IQCM: variants seen among roughly 807,000 people sequenced by gnomAD.
The protein encoded by IQCM is IQ domain-containing protein M.
In IQCM, 45 loss-of-function variants were observed where a neutral mutation model predicts 57.6. The ratio of observed to expected loss-of-function variants is 0.78; its 90% CI spans 0.62 to 1.00. The LOEUF (loss-of-function observed/expected upper bound fraction) is 1.00, where lower values mean the gene tolerates loss of function less well. IQCM is among the 50% of genes least tolerant of loss of function. IQCM has a pLI of 0.00. For synonymous variants in IQCM, 148 were observed against 158.9 expected, an observed-to-expected ratio of 0.93 and a Z score of 0.51; for missense variants, 468 against 511.6, an observed-to-expected ratio of 0.91 and a Z score of 0.82.
chr4:149,382,163 T>G (rs920138452), intron 13 of IQCM, among the ~76,000 whole-genome samples: 9 of 152,184 alleles, frequency 5.9e-5, no homozygotes, highest in Non-Finnish European at 1.2e-4. Context: ...TTTTGACTAT[T>G]GAGATCATAG....
intron 2 of IQCM, among the ~76,000 whole-genome samples, chr4:149,799,057 G>T (rs192758497): frequency 2.2e-3 from 329 of 150,116 alleles, no homozygotes; most frequent in African/African-American, 7.7e-3. Flanking sequence ...TTTTCACTCA[G>T]CACATGGATT....
intron 12 of IQCM, among the ~76,000 whole-genome samples, chr4:149,473,741 A>T (rs1020656235): frequency 6.6e-6 from 1 of 152,196 alleles, no homozygotes; most frequent in African/African-American, 2.4e-5. Context: ...TCCAACAATG[A>T]TAGACTGGAT....
intron 2 of IQCM, among the ~76,000 whole-genome samples, chr4:149,766,064 C>T (rs1318760513): frequency 6.6e-6 from 1 of 152,088 alleles, no homozygotes; most frequent in Non-Finnish European, 1.5e-5. Context: ...CATTCTTCAA[C>T]TCAGCTGCCT....
chr4:149,581,884 A>T (rs1025801672), intron 9 of IQCM, among the ~76,000 whole-genome samples: 1 of 151,566 alleles, frequency 6.6e-6, no homozygotes, highest in Non-Finnish European at 1.5e-5. Flanking sequence ...ATGTCTTCCA[A>T]GGTGGGAAGT....
intron 12 of IQCM, among the ~76,000 whole-genome samples, chr4:149,507,855 C>G (rs1743985521): frequency 6.6e-6 from 1 of 152,082 alleles, no homozygotes; most frequent in African/African-American, 2.4e-5. Context: ...TTTGCGGCAG[C>G]CCCTCCCATC....
Position 149,362,038 on chromosome 4 carries a change from C to CA in IQCM, c.1391-9973_1391-9972insT, listed in dbSNP as rs1724681831. On this transcript the variant is annotated intron_variant, in intron 13 of 13. Transcript: ENST00000636793. ...GCATCACCATGACCTGGAGGTGAGA[C>CA]CTGGAGTCAAAGGAGATAATTTTGG... Among the ~76,000 whole-genome samples, 2 of 152,226 alleles carry CA rather than the reference C, an allele frequency of 1.3e-5. 1 individual carries two copies. Among genetic ancestry groups the CA allele is most frequent in the East Asian group, 3.9e-4 (2 of 5,154 alleles).
chr4:149,369,795 A>G (rs542177090), intron 13 of IQCM, among the ~76,000 whole-genome samples: 1 of 152,336 alleles, frequency 6.6e-6, no homozygotes, highest in South Asian at 2.1e-4. Flanking sequence ...TCTTAATGGG[A>G]TTTAGATAGC....
chr4:149,611,168 C>T (rs1235288792), intron 8 of IQCM, among the ~76,000 whole-genome samples: 5 of 151,848 alleles, frequency 3.3e-5, no homozygotes, highest in Non-Finnish European at 7.4e-5. Flanking sequence ...ATCATCTCAA[C>T]CCAGTAAAAA....
chr4:149,404,502 T>A (rs1253860296), intron 13 of IQCM, among the ~76,000 whole-genome samples: 1 of 152,070 alleles, frequency 6.6e-6, no homozygotes, highest in East Asian at 1.9e-4. Context: ...AACTTTGCAA[T>A]ACACAAGAGG....
chr4:149,762,687 C>T (rs1769648135), intron 2 of IQCM, among the ~76,000 whole-genome samples: 1 of 151,926 alleles, frequency 6.6e-6, no homozygotes, highest in Non-Finnish European at 1.5e-5. Context: ...GGGTGGAGTT[C>T]CACATGAGGG....
At chr4:149,549,451 G>A (rs1452247025) in intron 11 of IQCM, among the ~76,000 whole-genome samples, 1 of 151,628 alleles carries the variant, frequency 6.6e-6, no homozygotes, top group East Asian at 1.9e-4. Context: ...CCGGGAGGCG[G>A]AACTTGCAGT....
At chr4:149,631,161 T>C (rs1579774553) in intron 7 of IQCM, among the ~76,000 whole-genome samples, 2 of 152,212 alleles carry the variant, frequency 1.3e-5, no homozygotes, top group African/African-American at 4.8e-5. Flanking sequence ...TACAACACTT[T>C]ACACATGTTG....
At chr4:149,394,625 C>T (rs1177159603) in intron 13 of IQCM, among the ~76,000 whole-genome samples, 1 of 151,840 alleles carries the variant, frequency 6.6e-6, no homozygotes, top group Non-Finnish European at 1.5e-5. Context: ...GGATCAGTCT[C>T]TATGGCCTCC....
At chr4:149,700,326 A>G (rs1175554772) in intron 5 of IQCM, among the ~76,000 whole-genome samples, 8 of 151,850 alleles carry the variant, frequency 5.3e-5, no homozygotes, top group Non-Finnish European at 8.8e-5. Flanking sequence ...GCCCCTTGTA[A>G]TTGTTCTCCA....
At chr4:149,402,329 GC>G (rs1230744585) in intron 13 of IQCM, among the ~76,000 whole-genome samples, 89 of 151,758 alleles carry the variant, frequency 5.9e-4, no homozygotes, top group African/African-American at 2.0e-3. Context: ...AGTGATGGGG[GC>G]CTAAGGTCAC....
At chr4:149,612,303 T>C (rs1167485572) in intron 8 of IQCM, among the ~76,000 whole-genome samples, 1 of 152,170 alleles carries the variant, frequency 6.6e-6, no homozygotes, top group Non-Finnish European at 1.5e-5. Context: ...ATTATGATTG[T>C]AAAGCTCCAA....
chr4:149,597,061 A>T (rs1216729435), intron 8 of IQCM, among the ~76,000 whole-genome samples: 4 of 152,138 alleles, frequency 2.6e-5, no homozygotes, highest in Non-Finnish European at 1.5e-5. Flanking sequence ...CCATTTCTAC[A>T]TGTTTAGAGA....
chr4:149,554,310 T>C (rs996826783), intron 10 of IQCM, among the ~76,000 whole-genome samples: 6 of 152,178 alleles, frequency 3.9e-5, no homozygotes, highest in African/African-American at 1.4e-4. Context: ...CCCACTTAAT[T>C]GTACTCTACA....
At chr4:149,546,649 C>A (rs1277641108) in intron 12 of IQCM, among the ~76,000 whole-genome samples, 1 of 152,062 alleles carries the variant, frequency 6.6e-6, no homozygotes, top group Admixed American at 6.6e-5. Context: ...TATCCTTTGC[C>A]CACTTTTTGA....
Sources: gnomAD v4.1 joint callset for allele counts (sites outside exome capture counted in the v4.1 genomes callset) on GRCh38, gnomAD v4.1.1 for gene constraint, MANE v1.5 for transcripts, NCBI Gene and HGNC (gene_info 2026-07-23, HGNC 2026-07-21) for gene names.